The following PDZRN3 variants were observed in gnomAD, a reference collection of about 807,000 sequenced individuals.
PDZRN3 encodes the protein E3 ubiquitin-protein ligase PDZRN3.
In PDZRN3, 38 loss-of-function variants were observed where a neutral mutation model predicts 85.7. The observed-to-expected ratio is 0.44, with a 90% CI of 0.34 to 0.58. PDZRN3 has a LOEUF of 0.58. Among genes scored for constraint, PDZRN3 ranks in the 20% least tolerant of loss-of-function variants. PDZRN3 has a pLI of 0.01. For missense variants in PDZRN3, 1,629 were observed against 1,506.4 expected (o/e 1.08, Z -1.35); for synonymous variants, 759 against 638.0 (o/e 1.19, Z -2.86).
intron 3 of PDZRN3, among the ~76,000 whole-genome samples, chr3:73,460,152 C>T (rs56306399): frequency 0.031 from 4,641 of 152,160 alleles, 224 homozygotes; most frequent in African/African-American, 0.1. Context: ...ACATTCTTTT[C>T]TGTGGTGGTT....
chr3:73,532,809 C>T (rs1287001283), intron 3 of PDZRN3, among the ~76,000 whole-genome samples: 1 of 152,180 alleles, frequency 6.6e-6, no homozygotes, highest in East Asian at 1.9e-4. Context: ...ATTGCCATGG[C>T]TGTTGTTTAG....
At chr3:73,447,958 T>C (rs1249614424) in intron 3 of PDZRN3, among the ~76,000 whole-genome samples, 1 of 152,218 alleles carries the variant, frequency 6.6e-6, no homozygotes, top group East Asian at 1.9e-4. Flanking sequence ...TAAATATAGA[T>C]ATGCCCTAAA....
At position 73,563,004 on chromosome 3, in the gene PDZRN3, TATATATATA is replaced by T. The variant is rs1300332164; in HGVS notation, c.918+39341_918+39349del. Among the ~76,000 whole-genome samples the T allele has an allele frequency of 4.3e-3, 167 of 38,748 alleles. 3 individuals are homozygous for T. The highest frequency in any genetic ancestry group is 0.015 in the African/African-American group (132 of 9,014). The allele number at this position is 38,748 out of a possible 152,430, so 25.4% of individuals were successfully genotyped here. A position where few individuals can be genotyped will look rare whatever the true frequency, so the allele number is the denominator to read the frequency against. On this transcript the variant is annotated intron_variant, in intron 3 of 9. Transcript: ENST00000263666. Reference sequence around the variant, plus strand: ...CAAATTATATATATATATATATATATATATATATATTTTTTTTTTTTTTTTTTTTTTTGA... The same window carrying T: ...CAAATTATATATATATATATATATATTTTTTTTTTTTTTTTTTTTTTTTGA...
intron 3 of PDZRN3, among the ~76,000 whole-genome samples, chr3:73,569,714 G>A (rs1702016593): frequency 6.6e-6 from 1 of 152,164 alleles, no homozygotes; most frequent in South Asian, 2.1e-4. Context: ...CACTCACTGA[G>A]CCTACCCCTG....
At chr3:73,558,060 A>C (rs915005001) in intron 3 of PDZRN3, among the ~76,000 whole-genome samples, 17 of 152,208 alleles carry the variant, frequency 1.1e-4, no homozygotes, top group African/African-American at 4.1e-4. Flanking sequence ...TAAAAAGTTT[A>C]TATCTTTAAT....
intron 3 of PDZRN3, among the ~76,000 whole-genome samples, chr3:73,495,146 T>C (rs919175441): frequency 1.3e-5 from 2 of 152,200 alleles, no homozygotes; most frequent in Non-Finnish European, 2.9e-5. Context: ...ACAATCACTT[T>C]ACAAAATGTA....
In PDZRN3 at chr3:73,563,851, A is replaced by C. The variant is rs151163108; in HGVS notation, c.918+38503T>G. Among the ~76,000 whole-genome samples, 581 of 152,354 alleles carry C rather than the reference A, an allele frequency of 3.8e-3. 1 individual carries two copies. The highest frequency in any genetic ancestry group is 6.2e-3 in the Non-Finnish European group (425 of 68,034). On this transcript the variant is annotated intron_variant, in intron 3 of 9. Coordinates refer to ENST00000263666, the MANE Select transcript of PDZRN3 (RefSeq NM_015009.3). ...GGGCCCAGAGGGGGAAAACAATCTGACAGAACATAAATAGCGAGAAGATGC... is the reference window on the plus strand; with the variant it reads ...GGGCCCAGAGGGGGAAAACAATCTGCCAGAACATAAATAGCGAGAAGATGC...
intron 4 of PDZRN3, 79 bp from the exon 5 acceptor site, chr3:73,401,088 TG>T: frequency 1.9e-6 from 2 of 1,039,680 alleles, no homozygotes; most frequent in Admixed American, 3.4e-5. Flanking sequence ...GTCAGGCCAG[TG>T]GCACAGTAGC....
At chr3:73,431,355 C>T (rs2106800154) in intron 3 of PDZRN3, among the ~76,000 whole-genome samples, 1 of 152,328 alleles carries the variant, frequency 6.6e-6, no homozygotes, top group Admixed American at 6.5e-5. Context: ...GCCAATGGCC[C>T]TAATGAAGAG....
chr3:73,522,143 G>A (rs187157951), intron 3 of PDZRN3, among the ~76,000 whole-genome samples: 21 of 152,252 alleles, frequency 1.4e-4, no homozygotes, highest in African/African-American at 1.9e-4. Context: ...TTCATGCCAC[G>A]TCAGTAGTGC....
intron 3 of PDZRN3, among the ~76,000 whole-genome samples, chr3:73,572,990 T>C (rs895564940): frequency 6.6e-6 from 1 of 152,228 alleles, no homozygotes; most frequent in Non-Finnish European, 1.5e-5. Context: ...TTAGGCTCTT[T>C]TGTGTCCCAC....
At chr3:73,622,387 T>C (rs888014436) in intron 1 of PDZRN3, among the ~76,000 whole-genome samples, 17 of 152,134 alleles carry the variant, frequency 1.1e-4, no homozygotes, top group African/African-American at 3.9e-4. Flanking sequence ...TGGGGGAGCC[T>C]CGGGCAAATA....
At chr3:73,479,880 G>A (rs899342947) in intron 3 of PDZRN3, among the ~76,000 whole-genome samples, 2 of 152,136 alleles carry the variant, frequency 1.3e-5, no homozygotes, top group African/African-American at 4.8e-5. Context: ...TGAGTTGCGG[G>A]GGGCGGGGGT....
At chr3:73,532,044 C>T (rs540154023) in intron 3 of PDZRN3, among the ~76,000 whole-genome samples, 70 of 152,330 alleles carry the variant, frequency 4.6e-4, no homozygotes, top group African/African-American at 1.7e-3. Context: ...CTCTGTCGCC[C>T]AGGCTGGAGT....
chr3:73,414,616 C>T (rs1239843497), intron 3 of PDZRN3, among the ~76,000 whole-genome samples: 1 of 152,128 alleles, frequency 6.6e-6, no homozygotes, highest in African/African-American at 2.4e-5. Context: ...GATATTAAAC[C>T]ATGGTTTTAG....
chr3:73,591,825 G>A (rs1353515389), intron 3 of PDZRN3, among the ~76,000 whole-genome samples: 2 of 152,152 alleles, frequency 1.3e-5, no homozygotes, highest in African/African-American at 4.8e-5. Flanking sequence ...AGAGTCCTTA[G>A]CTCTTAACCT....
chr3:73,506,209 A>AGGCC (rs1482458977), intron 3 of PDZRN3, among the ~76,000 whole-genome samples: 1 of 152,188 alleles, frequency 6.6e-6, no homozygotes, highest in Non-Finnish European at 1.5e-5. Flanking sequence ...GAGAGAGCAC[A>AGGCC]GGCCCCAGGG....
chr3:73,451,849 TCACA>T (rs58276955), intron 3 of PDZRN3, among the ~76,000 whole-genome samples: 1 of 149,350 alleles, frequency 6.7e-6, no homozygotes. Flanking sequence ...TAGCTTCTCA[TCACA>T]CACACACACA....
chr3:73,391,109 T>A lies in PDZRN3; in HGVS notation c.1262A>T (p.Asp421Val). The part of the protein sequence containing the change: ...DREELELEEV[D>V]LYRMNSQDKL... ...GTCCTGGCTGTTCATTCTGTAGAGG[T>A]CCACTTCCTAGACAAAGAAAGGCAT... Residue 421 changes from aspartate to valine, a missense_variant, in exon 6 of 10, where the codon GAC (aspartate) becomes GTC (valine). Transcript: ENST00000263666. 6.2e-7 allele frequency: 1 copy of A among 1,610,532 alleles called. No individual in the cohort carries two copies. Among genetic ancestry groups the A allele is most frequent in the Non-Finnish European group, 8.5e-7 (1 of 1,176,886 alleles).
Sources: allele counts gnomAD v4.1 joint callset (sites outside exome capture counted in the v4.1 genomes callset), GRCh38; gene constraint gnomAD v4.1.1; transcripts MANE v1.5; gene names NCBI Gene and HGNC (gene_info 2026-07-23, HGNC 2026-07-21).